The following USH2A variants were observed in gnomAD, a reference collection of about 807,000 sequenced individuals.
The protein encoded by USH2A is usherin, also known as Usher syndrome 2A (autosomal recessive, mild).
USH2A carries 443 observed loss-of-function variants against 538.9 expected under a neutral mutation model. The ratio of observed to expected loss-of-function variants is 0.82; its 90% CI spans 0.76 to 0.89. The LOEUF (loss-of-function observed/expected upper bound fraction) is 0.89. Among genes scored for constraint, USH2A ranks in the 40% least tolerant of loss-of-function variants. USH2A has a pLI of 0.00. For synonymous variants in USH2A, 2,413 were observed against 2,273.5 expected (o/e 1.06, Z -1.75); for missense variants, 6,633 against 6,324.8 (o/e 1.05, Z -1.65).
intron 21 of USH2A, among the ~76,000 whole-genome samples, chr1:216,134,438 G>A (rs1250382530): frequency 1.3e-5 from 2 of 152,052 alleles, no homozygotes; most frequent in East Asian, 1.9e-4. Flanking sequence ...TAGCAGAACA[G>A]AATAAGGGAT....
At chr1:216,259,119 A>T (rs1558348771) in intron 11 of USH2A, among the ~76,000 whole-genome samples, 1 of 152,060 alleles carries the variant, frequency 6.6e-6, no homozygotes, top group African/African-American at 2.4e-5. Flanking sequence ...GAATCCTGAA[A>T]CTTCAATCCC....
chr1:216,185,081 A>G (rs967200155), intron 20 of USH2A, among the ~76,000 whole-genome samples: 10 of 151,978 alleles, frequency 6.6e-5, no homozygotes. Flanking sequence ...AGAATCTTAA[A>G]GAAAAGTGTA....
At chr1:215,931,257 A>AT (rs769259498) in intron 38 of USH2A, among the ~76,000 whole-genome samples, 1 of 151,896 alleles carries the variant, frequency 6.6e-6, no homozygotes, top group South Asian at 2.1e-4. Context: ...TTAATTATAT[A>AT]TTTTTTCTCA....
intron 9 of USH2A, among the ~76,000 whole-genome samples, chr1:216,315,023 A>G (rs1010011045): frequency 1.3e-5 from 2 of 152,192 alleles, no homozygotes; most frequent in Non-Finnish European, 2.9e-5. Context: ...ATAAGGATTC[A>G]AGTTTCAACT....
rs768097820 is a variant in USH2A, at chr1:215,798,985, A to T, written c.9880T>A (p.Cys3294Ser). The T allele has an allele frequency of 3.7e-6, 6 of 1,614,076 alleles. No homozygotes were observed. The highest frequency in any genetic ancestry group is 1.7e-5 in the Admixed American group (1 of 60,004). The change falls in exon 50 of 72, where the codon TGC becomes AGC. Residue 3294 changes from cysteine to serine, a missense_variant. Cys to Ser is a moderately radical substitution (Grantham distance 112, BLOSUM62 -1). Coordinates refer to ENST00000307340, the MANE Select transcript of USH2A (RefSeq NM_206933.4). ...GRLHDGHGQK[C>S]CGRQIVSNDL... ...TTGCTCACAATCTGTCTGCCACAGC[A>T]CTTCTGGCCATGGCCATCATGAAGC...
At position 216,275,148 on chromosome 1, in the gene USH2A, C is replaced by CT. The variant is rs553356696; in HGVS notation, c.1971+14131dup. ...ATTGCATTATTCTCTCTCTCTCTCTCTTTTTTTTTGGATGGTTTAGGTCTA... is the reference window on the plus strand; with the variant it reads ...ATTGCATTATTCTCTCTCTCTCTCTCTTTTTTTTTTGGATGGTTTAGGTCTA... On this transcript the variant is annotated intron_variant, in intron 11 of 71. Transcript: ENST00000307340. 1.8e-3 allele frequency among the ~76,000 whole-genome samples: 272 copies of CT among 150,776 alleles called. 2 individuals carry two copies. Among genetic ancestry groups the CT allele is most frequent in the African/African-American group, 3.2e-3 (133 of 41,228 alleles).
chr1:215,950,773 C>T (rs1666893063), intron 37 of USH2A, among the ~76,000 whole-genome samples: 1 of 151,970 alleles, frequency 6.6e-6, no homozygotes, highest in Admixed American at 6.6e-5. Context: ...GCCTCCCAAA[C>T]TGCTGGGTAC....
At chr1:216,050,164 A>T (rs371542094) in intron 30 of USH2A, among the ~76,000 whole-genome samples, 7 of 152,190 alleles carry the variant, frequency 4.6e-5, no homozygotes, top group African/African-American at 1.7e-4. Context: ...AAGCAAGCTA[A>T]CATTATCACA....
At chr1:215,626,537 G>T (rs1306774762) in intron 71 of USH2A, among the ~76,000 whole-genome samples, 7 of 151,828 alleles carry the variant, frequency 4.6e-5, no homozygotes, top group Non-Finnish European at 8.8e-5. Flanking sequence ...ATCAAATAGG[G>T]TTAGTAATGT....
chr1:215,760,432 A>G (rs898801999), intron 56 of USH2A, among the ~76,000 whole-genome samples: 2 of 151,690 alleles, frequency 1.3e-5, no homozygotes, highest in South Asian at 4.2e-4. Flanking sequence ...CTCTTCCAAC[A>G]CCGGCTTCCC....
chr1:216,248,298 G>A (rs2036091747), intron 12 of USH2A, among the ~76,000 whole-genome samples: 1 of 151,920 alleles, frequency 6.6e-6, no homozygotes, highest in African/African-American at 2.4e-5. Flanking sequence ...AGATAAAAGG[G>A]TATTACAAGG....
In USH2A at chr1:216,292,536, C is replaced by T. The variant is rs996088185; in HGVS notation, c.1645-166G>A. Among the ~76,000 whole-genome samples, 61 of 152,028 alleles carry T rather than the reference C, an allele frequency of 4.0e-4. 2 individuals carry two copies. Among genetic ancestry groups the T allele is most frequent in the Middle Eastern group, 3.2e-3 (1 of 316 alleles). On this transcript the variant is annotated intron_variant, in intron 9 of 71. Transcript: ENST00000307340. ...TCGTAAGTCAGAAATAGCATATTTACGGGCATGGTAGGGTGGAATTGTAAA... is the reference window on the plus strand; with the variant it reads ...TCGTAAGTCAGAAATAGCATATTTATGGGCATGGTAGGGTGGAATTGTAAA...
intron 20 of USH2A, among the ~76,000 whole-genome samples, chr1:216,182,776 CT>C (rs1242216494): frequency 6.6e-6 from 1 of 151,986 alleles, no homozygotes; most frequent in Non-Finnish European, 1.5e-5. Flanking sequence ...TGCAATATTC[CT>C]TTTTCAAGTC....
intron 71 of USH2A, among the ~76,000 whole-genome samples, chr1:215,627,433 C>CTTCCTTCCTTCCTTCT (rs1656082791): frequency 1.3e-5 from 1 of 74,762 alleles, no homozygotes; most frequent in African/African-American, 5.4e-5. Flanking sequence ...TCCTTCCTTC[C>CTTCCTTCCTTCCTTCT]TTCCTTCCTT....
chr1:215,717,033 C>T (rs1365738962), intron 61 of USH2A, among the ~76,000 whole-genome samples: 1 of 152,126 alleles, frequency 6.6e-6, no homozygotes, highest in Admixed American at 6.5e-5. Flanking sequence ...TGTCTTCTGG[C>T]TTGGCAGAGA....
intron 61 of USH2A, among the ~76,000 whole-genome samples, chr1:215,725,441 T>G (rs2797216): frequency 0.86 from 131,220 of 152,184 alleles, 57,939 homozygotes; most frequent in Non-Finnish European, 0.98. Context: ...GAGTCATAGT[T>G]GCCCTGATGC....
chr1:216,243,222 G>A (rs1424599934), intron 13 of USH2A, among the ~76,000 whole-genome samples: 6 of 151,972 alleles, frequency 3.9e-5, no homozygotes, highest in African/African-American at 1.5e-4. Flanking sequence ...TCCCAAGAAG[G>A]GATTTTGTGC....
At chr1:215,924,849 C>T (rs1260016794) in intron 38 of USH2A, among the ~76,000 whole-genome samples, 2 of 151,892 alleles carry the variant, frequency 1.3e-5, no homozygotes, top group East Asian at 1.9e-4. Context: ...TGTGTGTGGG[C>T]GTGTGTATTT....
intron 32 of USH2A, among the ~76,000 whole-genome samples, chr1:216,039,583 A>AAT (rs2030170736): frequency 6.6e-6 from 1 of 152,026 alleles, no homozygotes; most frequent in African/African-American, 2.4e-5. Flanking sequence ...AATGTACTGC[A>AAT]ATGTGATATT....
Sources: gnomAD v4.1 joint callset for allele counts (sites outside exome capture counted in the v4.1 genomes callset) on GRCh38, gnomAD v4.1.1 for gene constraint, MANE v1.5 for transcripts, NCBI Gene and HGNC (gene_info 2026-07-23, HGNC 2026-07-21) for gene names.